Variants in PRKCZ observed in about 807,000 individuals in gnomAD.
The protein encoded by PRKCZ is protein kinase C zeta type.
In PRKCZ, 33 loss-of-function variants were observed where a neutral mutation model predicts 79.5. That is an observed-to-expected ratio of 0.41 (90% CI 0.31 to 0.55). The LOEUF (loss-of-function observed/expected upper bound fraction) is 0.55, where lower values mean the gene tolerates loss of function less well. Among genes scored for constraint, PRKCZ ranks in the 20% least tolerant of loss-of-function variants. The probability of loss-of-function intolerance (pLI) is 0.19; values close to 1 mark genes in which losing one functional copy is unlikely to be tolerated. For missense variants in PRKCZ, 578 were observed against 813.5 expected, an observed-to-expected ratio of 0.71 and a Z score of 3.52; for synonymous variants, 342 against 320.9, an observed-to-expected ratio of 1.07 and a Z score of -0.70.
At chr1:2,095,978 G>A (rs1666435536) in intron 4 of PRKCZ, among the ~76,000 whole-genome samples, 1 of 147,896 alleles carries the variant, frequency 6.8e-6, no homozygotes, top group Admixed American at 6.7e-5. Flanking sequence ...CTGTGCCAGG[G>A]GCCAGGGCAG....
chr1:2,054,184 G>A (rs183968680), intron 1 of PRKCZ, among the ~76,000 whole-genome samples: 198 of 152,330 alleles, frequency 1.3e-3, no homozygotes, highest in African/African-American at 4.5e-3. Flanking sequence ...CAGTGTCAGC[G>A]AAGAGCAGAG....
intron 4 of PRKCZ, among the ~76,000 whole-genome samples, chr1:2,064,567 C>T (rs765254642): frequency 3.9e-5 from 6 of 152,196 alleles, no homozygotes; most frequent in Non-Finnish European, 8.8e-5. Context: ...AAGCATCTAA[C>T]TTCATTCCTT....
chr1:2,120,376 T>C (rs1364114369), intron 4 of PRKCZ, among the ~76,000 whole-genome samples: 4 of 131,268 alleles, frequency 3.0e-5, no homozygotes, highest in Non-Finnish European at 6.3e-5. Flanking sequence ...CTCGACTCAC[T>C]GCAATCTCCA....
At chr1:2,054,897 G>A (rs2102209175) in intron 1 of PRKCZ, among the ~76,000 whole-genome samples, 1 of 151,468 alleles carries the variant, frequency 6.6e-6, no homozygotes, top group South Asian at 2.1e-4. Context: ...TTCCAGCCAG[G>A]TAGGTCGCGC....
intron 4 of PRKCZ, among the ~76,000 whole-genome samples, chr1:2,103,116 C>A (rs943183028): frequency 6.6e-6 from 1 of 152,280 alleles, no homozygotes; most frequent in African/African-American, 2.4e-5. Context: ...TCTCCCACTT[C>A]GCCCGCCCAA....
At position 2,082,518 on chromosome 1, in the gene PRKCZ, C is replaced by T. The variant is rs753571717; in HGVS notation, c.334+22927C>T. The stretch of plus-strand genomic sequence containing the variant: ...ACCGGTTTTGTGATGTGGGCAGTGC[C>T]GTGCTGGTAAATGCTCTGTGAGGAA... On this transcript the variant is annotated intron_variant, in intron 4 of 17. Transcript: ENST00000378567. The surrounding 1 kb of genome is among the most constrained non-coding windows in gnomAD (Gnocchi z 4.4). 2.8e-5 allele frequency: 12 copies of T among 421,134 alleles called. No individual in the cohort carries two copies. The highest frequency in any genetic ancestry group is 4.3e-5 in the Non-Finnish European group (9 of 209,910). 26.1% of individuals were successfully genotyped at this position (421,134 alleles called of 1,614,324 possible).
rs61017134 is a variant in PRKCZ at position 2,065,678 on chromosome 1, CAAAAA to C, written c.334+6107_334+6111del. 6.4e-3 allele frequency among the ~76,000 whole-genome samples: 360 copies of C among 56,120 alleles called. 17 individuals carry two copies. The East Asian group carries it at 0.14, about 22-fold the overall frequency. 36.8% of individuals were successfully genotyped at this position (56,120 alleles called of 152,430 possible). On this transcript the variant is annotated intron_variant, in intron 4 of 17. Coordinates refer to ENST00000378567, the MANE Select transcript of PRKCZ (RefSeq NM_002744.6). ...TGGGCAACAGAGCCAGACTCTGTCT[CAAAAA>C]AAAAAAAAAAAAAAAAAAAGTGGTG...
chr1:2,169,725 TGGG>T (rs1453594212), intron 11 of PRKCZ, 121 bp downstream of exon 11: 14 of 97,680 alleles, frequency 1.4e-4, no homozygotes, highest in Admixed American at 8.0e-4. Context: ...CGCGCGGAGT[TGGG>T]GGGCCGGGTG....
intron 4 of PRKCZ, among the ~76,000 whole-genome samples, chr1:2,104,145 G>A (rs753255946): frequency 6.6e-6 from 1 of 152,162 alleles, no homozygotes; most frequent in Non-Finnish European, 1.5e-5. Flanking sequence ...TTTCCGTGGC[G>A]GCTCTGGGGC....
chr1:2,152,032 G>A (rs1175225930), intron 9 of PRKCZ, among the ~76,000 whole-genome samples: 1 of 152,014 alleles, frequency 6.6e-6, no homozygotes, highest in African/African-American at 2.4e-5. Context: ...TGTGTTTTTT[G>A]TAGAGACGGG....
intron 4 of PRKCZ, among the ~76,000 whole-genome samples, chr1:2,108,724 C>A (rs957329819): frequency 1.3e-5 from 2 of 152,210 alleles, no homozygotes; most frequent in Non-Finnish European, 1.5e-5. Context: ...CTGGTCACCA[C>A]CCCCTGCCTG....
At chr1:2,163,391 G>A (rs1040977413) in intron 10 of PRKCZ, among the ~76,000 whole-genome samples, 1 of 152,198 alleles carries the variant, frequency 6.6e-6, no homozygotes, top group Non-Finnish European at 1.5e-5. Flanking sequence ...CCCAGTTCCT[G>A]GGCCCATCAT....
At chr1:2,126,165 C>G (rs1006522385) in intron 4 of PRKCZ, among the ~76,000 whole-genome samples, 1 of 152,232 alleles carries the variant, frequency 6.6e-6, no homozygotes, top group African/African-American at 2.4e-5. Context: ...CACCAGGCAC[C>G]AGAGACCCGG....
intron 4 of PRKCZ, among the ~76,000 whole-genome samples, chr1:2,068,539 AT>A (rs1474727365): frequency 6.6e-6 from 1 of 152,236 alleles, no homozygotes; most frequent in Admixed American, 6.5e-5. Flanking sequence ...AGTCCAGGAC[AT>A]TCACCTTGAG....
At position 2,056,512 on chromosome 1, in the gene PRKCZ, G is replaced by A. The variant is rs1660177670; in HGVS notation, c.222G>A (p.Met74Ile). Residue 74 changes from methionine (M) to isoleucine (I), a missense_variant, in exon 3 of 18, where the codon ATG (methionine) becomes ATA (isoleucine). Coordinates refer to ENST00000378567, the MANE Select transcript of PRKCZ (RefSeq NM_002744.6). ...ACCCTTGCACGGTGTCCTCCCAGAT[G>A]GAGCTGGAAGAGGCTTTCCGCCTGG... Reference protein sequence around the residue: ...EGDPCTVSSQMELEEAFRLAR... With the variant: ...EGDPCTVSSQIELEEAFRLAR... 6.2e-7 allele frequency: 1 copy of A among 1,613,888 alleles called. No individual in the cohort carries two copies. Among genetic ancestry groups the A allele is most frequent in the Non-Finnish European group, 8.5e-7 (1 of 1,179,976 alleles).
chr1:2,167,509 A>G (rs1253162698), intron 10 of PRKCZ, among the ~76,000 whole-genome samples: 1 of 151,862 alleles, frequency 6.6e-6, no homozygotes, highest in African/African-American at 2.4e-5. Flanking sequence ...TCTCGGGGGG[A>G]CAGGTGGAAG....
chr1:2,173,508 A>G lies in PRKCZ; in HGVS notation c.1286-389A>G, dbSNP rs1239571290. On this transcript the variant is annotated intron_variant, in intron 13 of 17. Transcript: ENST00000378567. The surrounding 1 kb of genome is among the most constrained non-coding windows in gnomAD (Gnocchi z 5.7). The stretch of plus-strand genomic sequence containing the variant: ...CCTTTTTAAAAAACAAAATGGCTGT[A>G]GAAGGAAACACAGGAGAGTATTTCC... 5.9e-5 allele frequency among the ~76,000 whole-genome samples: 9 copies of G among 152,242 alleles called. No individual in the cohort carries two copies. Among genetic ancestry groups the G allele is most frequent in the Admixed American group, 5.9e-4 (9 of 15,288 alleles).
chr1:2,150,911 G>A lies in PRKCZ; in HGVS notation c.809G>A (p.Arg270Gln). 2.5e-6 allele frequency: 4 copies of A among 1,614,158 alleles called. No homozygotes were observed. The highest frequency in any genetic ancestry group is 1.1e-5 in the South Asian group (1 of 91,086). Residue 270 changes from arginine (R) to glutamine (Q), a missense_variant, in exon 9 of 18, where the codon CGG becomes CAG. Arg to Gln is a conservative substitution (Grantham distance 43, BLOSUM62 1). This residue lies in a region of PRKCZ where 243 missense variants were observed against 467.0 expected (regional missense o/e 0.52). Transcript: ENST00000378567. Reference protein sequence around the residue: ...RGSYAKVLLVRLKKNDQIYAM... With the variant: ...RGSYAKVLLVQLKKNDQIYAM... Reference sequence around the variant, plus strand: ...AGCTACGCCAAGGTTCTCCTGGTGCGGTTGAAGAAGAATGACCAAATTTAC... The same window carrying A: ...AGCTACGCCAAGGTTCTCCTGGTGCAGTTGAAGAAGAATGACCAAATTTAC...
At chr1:2,053,649 G>A (rs1659896907) in intron 1 of PRKCZ, among the ~76,000 whole-genome samples, 2 of 152,188 alleles carry the variant, frequency 1.3e-5, no homozygotes, top group African/African-American at 4.8e-5. Context: ...CTCTAGATTG[G>A]CCGGAAACTG....
Sources: gnomAD v4.1 joint callset for allele counts (sites outside exome capture counted in the v4.1 genomes callset) on GRCh38, gnomAD v4.1.1 for gene constraint, gnomAD v4.1.1 regional missense constraint, Gnocchi (gnomAD v3.1) non-coding constraint, MANE v1.5 for transcripts, NCBI Gene and HGNC (gene_info 2026-07-23, HGNC 2026-07-21) for gene names.